IRAG1: variants seen among roughly 807,000 people sequenced by gnomAD.
IRAG1 encodes IP3R-associated cGMP kinase substrate.
Under a neutral mutation model 106.2 loss-of-function variants are expected in IRAG1, and 62 were observed. That is an observed-to-expected ratio of 0.58 (90% confidence interval 0.48 to 0.72). IRAG1 has a LOEUF of 0.72. IRAG1 is among the 30% of genes least tolerant of loss of function. The pLI is 0.00. For missense variants in IRAG1, 1,064 were observed against 1,140.7 expected, an observed-to-expected ratio of 0.93 and a Z score of 0.97; for synonymous variants, 462 against 443.9, an observed-to-expected ratio of 1.04 and a Z score of -0.51.
intron 2 of IRAG1, among the ~76,000 whole-genome samples, chr11:10,650,431 T>C (rs1411038769): frequency 6.6e-6 from 1 of 152,174 alleles, no homozygotes; most frequent in East Asian, 1.9e-4. Flanking sequence ...GGGCAGCTGT[T>C]TGGGGGAGTT....
rs1856260525 is a variant in IRAG1 at position 10,626,584 on chromosome 11, C to G, written c.751-1G>C. 15 of 1,593,442 alleles carry G rather than the reference C, an allele frequency of 9.4e-6. No individual in the cohort carries two copies. Among genetic ancestry groups the G allele is most frequent in the Non-Finnish European group, 1.3e-5 (15 of 1,168,684 alleles). On this transcript the variant is annotated splice_acceptor_variant, in intron 8 of 20. Coordinates refer to ENST00000423302, the MANE Select transcript of IRAG1 (RefSeq NM_130385.4). LOFTEE classifies it high-confidence loss of function. ...TGTCAGCTAGCCCTTTGGGGACGTT[C>G]TGAAAAAGACAAGGTAGAGCTGGAA... is the stretch of plus-strand genomic sequence containing the variant.
chr11:10,576,990 A>G (rs1483634014), intron 20 of IRAG1, among the ~76,000 whole-genome samples: 1 of 152,250 alleles, frequency 6.6e-6, no homozygotes, highest in Admixed American at 6.5e-5. Flanking sequence ...ACCTAGCTGC[A>G]TTAATGATCA....
intron 13 of IRAG1, 68 bp from the exon 14 acceptor site, chr11:10,603,319 A>T: frequency 6.4e-7 from 1 of 1,566,354 alleles, no homozygotes; most frequent in Non-Finnish European, 8.7e-7. Context: ...GCAGTCCCCA[A>T]CCTTTTCGGC....
intron 1 of IRAG1, among the ~76,000 whole-genome samples, chr11:10,683,285 G>C (rs1259869177): frequency 6.7e-6 from 1 of 150,326 alleles, no homozygotes; most frequent in Non-Finnish European, 1.5e-5. Flanking sequence ...AAGTAAGTAG[G>C]TTAATAAAAC....
At chr11:10,619,056 G>A (rs1196222074) in intron 10 of IRAG1, among the ~76,000 whole-genome samples, 1 of 152,104 alleles carries the variant, frequency 6.6e-6, no homozygotes, top group Non-Finnish European at 1.5e-5. Flanking sequence ...CCTGATGGTG[G>A]GGCCTGAACC....
In IRAG1 at chr11:10,594,183, G is replaced by A. The variant is rs749968687; in HGVS notation, c.2030C>T (p.Pro677Leu). 23 of 1,610,140 alleles carry A rather than the reference G, an allele frequency of 1.4e-5. No individual in the cohort carries two copies. Among genetic ancestry groups the A allele is most frequent in the Non-Finnish European group, 2.0e-5 (23 of 1,178,442 alleles). The change falls in exon 16 of 21, where the codon CCT (proline) becomes CTT (leucine). Residue 677 changes from proline to leucine, a missense_variant. Transcript: ENST00000423302. Reference sequence around the variant, plus strand: ...GAGGGACATGGACCGTGCCGTGCGAGGGACCCCATCTTCTGCAGCAGGAGG... The same window carrying A: ...GAGGGACATGGACCGTGCCGTGCGAAGGACCCCATCTTCTGCAGCAGGAGG... ...RSCGPSEDGV[P>L]RTARSMSLTL...
At chr11:10,685,251 A>G (rs998370544) in intron 1 of IRAG1, among the ~76,000 whole-genome samples, 1 of 152,092 alleles carries the variant, frequency 6.6e-6, no homozygotes, top group African/African-American at 2.4e-5. Flanking sequence ...GTTCGAGACC[A>G]GAATGGCCAA....
chr11:10,656,398 A>G (rs1159071411), intron 1 of IRAG1, among the ~76,000 whole-genome samples: 2 of 152,160 alleles, frequency 1.3e-5, no homozygotes, highest in African/African-American at 4.8e-5. Flanking sequence ...AACGGAAACA[A>G]CTTGACTGGT....
At position 10,593,504 on chromosome 11, in the gene IRAG1, G is replaced by A. The variant is rs779631522; in HGVS notation, c.2163C>T (p.Ser721=). ...TCGTCATACTTACCAAGGCTGGTAA[G>A]GAGGGAATGGATGATGAGCTGGGAG... ...GQTPSSSSIP[S]LPALSESPNG... Residue 721 remains serine, a synonymous_variant, in exon 17 of 21, where the codon TCC becomes TCT. Transcript: ENST00000423302. 1.4e-5 allele frequency: 22 copies of A among 1,613,306 alleles called. No individual in the cohort carries two copies. Among genetic ancestry groups the A allele is most frequent in the Non-Finnish European group, 1.8e-5 (21 of 1,179,418 alleles).
rs1856934167 is a variant in IRAG1 at position 10,633,908 on chromosome 11, T to C, written c.329+60A>G. The stretch of plus-strand genomic sequence containing the variant: ...AAAGATTTATTTAAAAATATAGCTG[T>C]CTGATCCTCATGTTCTAGGAAATAT... On this transcript the variant is annotated intron_variant, in intron 3 of 20. Transcript: ENST00000423302. 3.2e-6 allele frequency: 3 copies of C among 948,114 alleles called. No homozygotes were observed. The South Asian group carries it at 5.5e-5, about 17-fold the overall frequency. The allele number at this position is 948,114 out of a possible 1,614,324, so 58.7% of individuals were successfully genotyped here.
intron 4 of IRAG1, among the ~76,000 whole-genome samples, chr11:10,631,177 C>T (rs1369856593): frequency 6.6e-6 from 1 of 152,230 alleles, no homozygotes; most frequent in East Asian, 1.9e-4. Context: ...CCTGAAATCA[C>T]AAGCCCTGGC....
At chr11:10,606,271 G>A (rs1445096869) in intron 12 of IRAG1, among the ~76,000 whole-genome samples, 1 of 152,166 alleles carries the variant, frequency 6.6e-6, no homozygotes, top group African/African-American at 2.4e-5. Context: ...TGAGGAAACC[G>A]GAAGGCTGGA....
intron 2 of IRAG1, among the ~76,000 whole-genome samples, chr11:10,639,088 T>A (rs56252207): frequency 1.3e-5 from 2 of 151,986 alleles, no homozygotes; most frequent in Non-Finnish European, 2.9e-5. Context: ...CCCAGCTAAT[T>A]TTTGTATTTT....
intron 10 of IRAG1, among the ~76,000 whole-genome samples, chr11:10,614,808 T>G (rs1855263515): frequency 6.6e-6 from 1 of 152,240 alleles, no homozygotes; most frequent in African/African-American, 2.4e-5. Context: ...AATTAAGGAC[T>G]TCAATGTTAG....
chr11:10,639,630 CCT>C (rs1857377120), intron 2 of IRAG1, among the ~76,000 whole-genome samples: 2 of 152,266 alleles, frequency 1.3e-5, no homozygotes, highest in Admixed American at 1.3e-4. Context: ...TCTCACGCCC[CCT>C]CTCTGATGAC....
At chr11:10,589,852 C>T (rs1370123219) in intron 18 of IRAG1, among the ~76,000 whole-genome samples, 3 of 152,150 alleles carry the variant, frequency 2.0e-5, no homozygotes, top group East Asian at 1.9e-4. Flanking sequence ...TTATTGTCTC[C>T]AATTTTGTAC....
At chr11:10,639,814 A>T (rs930909148) in intron 2 of IRAG1, among the ~76,000 whole-genome samples, 1 of 152,166 alleles carries the variant, frequency 6.6e-6, no homozygotes, top group African/African-American at 2.4e-5. Context: ...CAGAGCAAAG[A>T]CCTTCTTGGA....
intron 1 of IRAG1, among the ~76,000 whole-genome samples, chr11:10,691,769 C>T (rs556376530): frequency 2.0e-5 from 3 of 152,200 alleles, no homozygotes; most frequent in Admixed American, 6.5e-5. Context: ...GCAAGGGGGC[C>T]GGTGATTCCC....
rs184226262 is a variant in IRAG1 at position 10,641,333 on chromosome 11, T to C, written c.226-7262A>G. Among the ~76,000 whole-genome samples the C allele has an allele frequency of 2.6e-5, 4 of 152,334 alleles. No individual in the cohort carries two copies. In the East Asian group the frequency reaches 7.7e-4, roughly 29 times the overall value. The stretch of plus-strand genomic sequence containing the variant: ...CATTTGGTTTTGAAAAGATGGTTGC[T>C]CTTAGTTCTGGGTCTCCTCAACCAT... On this transcript the variant is annotated intron_variant, in intron 2 of 20. Transcript: ENST00000423302.
Sources: allele counts gnomAD v4.1 joint callset (sites outside exome capture counted in the v4.1 genomes callset), GRCh38; gene constraint gnomAD v4.1.1; transcripts MANE v1.5; gene names NCBI Gene and HGNC (gene_info 2026-07-23, HGNC 2026-07-21).